Variants in RGS6 observed in about 807,000 individuals in gnomAD.
The protein encoded by RGS6 is regulator of G-protein signaling 6.
RGS6 carries 30 observed loss-of-function variants against 78.5 expected under a neutral mutation model. That is an observed-to-expected ratio of 0.38 (90% confidence interval 0.29 to 0.52). The LOEUF (loss-of-function observed/expected upper bound fraction) is 0.52, where lower values mean the gene tolerates loss of function less well. RGS6 is among the 20% of genes least tolerant of loss of function. RGS6 has a pLI of 0.85. For missense variants in RGS6, 495 were observed against 609.7 expected (o/e 0.81, Z 1.98); for synonymous variants, 206 against 206.0 (o/e 1.00, Z 0.00).
At chr14:72,228,245 G>A (rs892319870) in intron 2 of RGS6, among the ~76,000 whole-genome samples, 3 of 152,006 alleles carry the variant, frequency 2.0e-5, no homozygotes, top group African/African-American at 7.2e-5. Context: ...GCCCTGCATT[G>A]TGGCGGGCGC....
At chr14:72,200,684 G>T (rs2041294576) in intron 2 of RGS6, among the ~76,000 whole-genome samples, 1 of 152,124 alleles carries the variant, frequency 6.6e-6, no homozygotes, top group African/African-American at 2.4e-5. Context: ...GTACAGATCA[G>T]AGTCTACCTC....
the RGS6 span, among the ~76,000 whole-genome samples, chr14:71,927,082 T>C: frequency 6.6e-6 from 1 of 152,176 alleles, no homozygotes; most frequent in African/African-American, 2.4e-5. Flanking sequence ...GGGAAGGCAG[T>C]GGATGAGAGT....
At chr14:72,535,582 T>A (rs950031309) in intron 15 of RGS6, among the ~76,000 whole-genome samples, 1 of 152,218 alleles carries the variant, frequency 6.6e-6, no homozygotes, top group African/African-American at 2.4e-5. Context: ...CATGTATGTA[T>A]GTGTGCATTT....
intron 3 of RGS6, among the ~76,000 whole-genome samples, chr14:72,386,350 C>A (rs2087989717): frequency 6.6e-6 from 1 of 152,068 alleles, no homozygotes; most frequent in Non-Finnish European, 1.5e-5. Context: ...CCAGCCTGGA[C>A]AACACGGTGA....
intron 6 of RGS6, chr14:72,464,715 A>G (rs2095858819): frequency 6.6e-6 from 1 of 152,338 alleles, no homozygotes; most frequent in South Asian, 2.1e-4. Context: ...TGAAGAAGGA[A>G]AGGTAGGGAG....
intron 2 of RGS6, among the ~76,000 whole-genome samples, chr14:71,974,126 C>T (rs1404265150): frequency 1.3e-5 from 2 of 152,076 alleles, no homozygotes; most frequent in African/African-American, 4.8e-5. Flanking sequence ...GTTATTGACA[C>T]TCCTTTGCAG....
intron 2 of RGS6, among the ~76,000 whole-genome samples, chr14:72,292,169 C>T (rs1424076721): frequency 6.6e-6 from 1 of 152,190 alleles, no homozygotes; most frequent in Non-Finnish European, 1.5e-5. Context: ...CTGGTTTTCC[C>T]AGGGCATCAA....
chr14:72,300,945 C>G (rs2065923426), intron 2 of RGS6, among the ~76,000 whole-genome samples: 1 of 152,182 alleles, frequency 6.6e-6, no homozygotes, highest in Non-Finnish European at 1.5e-5. Flanking sequence ...GTGGCCATGA[C>G]AGAAATATGC....
intron 1 of RGS6, among the ~76,000 whole-genome samples, chr14:71,947,837 T>C (rs1169028464): frequency 3.3e-5 from 5 of 152,176 alleles, no homozygotes; most frequent in African/African-American, 4.8e-5. Flanking sequence ...GAGATTACCA[T>C]GTTGTTGGGT....
At chr14:72,032,441 A>G (rs1436990285) in intron 2 of RGS6, among the ~76,000 whole-genome samples, 2 of 152,152 alleles carry the variant, frequency 1.3e-5, no homozygotes, top group Non-Finnish European at 2.9e-5. Context: ...GGTATTTTTC[A>G]TACATTTGGT....
At chr14:72,329,711 G>T (rs142329488) in intron 2 of RGS6, among the ~76,000 whole-genome samples, 231 of 152,316 alleles carry the variant, frequency 1.5e-3, no homozygotes, top group Non-Finnish European at 2.2e-3. Context: ...CACTCTTTGC[G>T]TAGGGTGAGC....
intron 2 of RGS6, among the ~76,000 whole-genome samples, chr14:72,040,752 G>C (rs979866965): frequency 1.2e-4 from 19 of 152,096 alleles, no homozygotes; most frequent in African/African-American, 3.9e-4. Flanking sequence ...GCTCAATGGT[G>C]TTTCTTTCTT....
intron 2 of RGS6, among the ~76,000 whole-genome samples, chr14:72,020,793 C>T (rs1244472922): frequency 6.6e-6 from 1 of 152,214 alleles, no homozygotes; most frequent in East Asian, 1.9e-4. Context: ...GACCATCCCT[C>T]TTGGAACCTA....
chr14:71,942,885 G>C (rs1278354611), intron 1 of RGS6, among the ~76,000 whole-genome samples: 1 of 152,180 alleles, frequency 6.6e-6, no homozygotes, highest in Non-Finnish European at 1.5e-5. Flanking sequence ...TAATAGCTCA[G>C]GCTATGCAAA....
At position 72,548,795 on chromosome 14, in the gene RGS6, G is replaced by A. The variant is rs535909924; in HGVS notation, c.1422+8701G>A. On this transcript the variant is annotated intron_variant, in intron 17 of 17. Coordinates refer to ENST00000553525, the MANE Select transcript of RGS6 (RefSeq NM_001204424.2). ...ACTTCCGGGTTGCTCCAGAGAGCAAGGCTAGAACAAATGGCTAGAAGATAG... is the reference window on the plus strand; with the variant it reads ...ACTTCCGGGTTGCTCCAGAGAGCAAAGCTAGAACAAATGGCTAGAAGATAG... Among the ~76,000 whole-genome samples the A allele has an allele frequency of 1.2e-3, 182 of 152,248 alleles. 1 individual carries two copies. The highest frequency in any genetic ancestry group is 1.9e-3 in the Non-Finnish European group (126 of 68,024).
chr14:72,202,468 C>A (rs1388290876), intron 2 of RGS6, among the ~76,000 whole-genome samples: 1 of 152,188 alleles, frequency 6.6e-6, no homozygotes, highest in Non-Finnish European at 1.5e-5. Context: ...CCCGTTCTTA[C>A]CCATTACACA....
At chr14:72,236,566 C>T (rs919394927) in intron 2 of RGS6, among the ~76,000 whole-genome samples, 11 of 152,078 alleles carry the variant, frequency 7.2e-5, no homozygotes, top group East Asian at 3.9e-4. Context: ...ACTTTAATGT[C>T]GAAAATGCAA....
chr14:72,062,993 T>A (rs2093967255), intron 2 of RGS6, among the ~76,000 whole-genome samples: 2 of 152,108 alleles, frequency 1.3e-5, no homozygotes. Context: ...CCAGGTAATT[T>A]CTGTATTTTT....
At chr14:72,569,335 C>T (rs2097717580), downstream of RGS6, among the ~76,000 whole-genome samples, 1 of 152,220 alleles carries the variant, frequency 6.6e-6, no homozygotes, top group East Asian at 1.9e-4. Flanking sequence ...CCCCTCTGTT[C>T]CTGGAAGCTG....
Sources: allele counts gnomAD v4.1 joint callset (sites outside exome capture counted in the v4.1 genomes callset), GRCh38; gene constraint gnomAD v4.1.1; transcripts MANE v1.5; gene names NCBI Gene and HGNC (gene_info 2026-07-23, HGNC 2026-07-21).